Variants in MYSM1 observed in about 807,000 individuals in gnomAD.
MYSM1 encodes deubiquitinase MYSM1.
Under a neutral mutation model 116.0 loss-of-function variants are expected in MYSM1, and 51 were observed. The ratio of observed to expected loss-of-function variants is 0.44; its 90% confidence interval spans 0.35 to 0.56. MYSM1 has a LOEUF of 0.56. MYSM1 is among the 20% of genes least tolerant of loss of function. MYSM1 has a pLI of 0.00. For missense variants in MYSM1, 900 were observed against 974.9 expected, an observed-to-expected ratio of 0.92 and a Z score of 1.02; for synonymous variants, 313 against 315.2, an observed-to-expected ratio of 0.99 and a Z score of 0.07.
chr1:58,677,569 G>A (rs1644673465), intron 8 of MYSM1, among the ~76,000 whole-genome samples: 1 of 151,868 alleles, frequency 6.6e-6, no homozygotes, highest in African/African-American at 2.4e-5. Context: ...ACTCTCAGTG[G>A]AAAACAGAAA....
rs1030476637 is a variant in MYSM1, at chr1:58,659,243, T to G, written c.*754A>C. 1 of 152,196 alleles carries G rather than the reference T, an allele frequency of 6.6e-6. No individual in the cohort carries two copies. The highest frequency in any genetic ancestry group is 1.5e-5 in the Non-Finnish European group (1 of 68,022). 9.4% of individuals were successfully genotyped at this position (152,196 alleles called of 1,614,324 possible). On this transcript the variant is annotated 3_prime_UTR_variant, in exon 20 of 20. Transcript: ENST00000472487. ...GTAGAAAAAAAGTTTGAGTTATGATTACCTATGTTCCAGTTAAATGAGGTT... is the reference window on the plus strand; with the variant it reads ...GTAGAAAAAAAGTTTGAGTTATGATGACCTATGTTCCAGTTAAATGAGGTT...
chr1:58,694,397 C>T (rs1230278207), intron 2 of MYSM1, among the ~76,000 whole-genome samples: 3 of 151,748 alleles, frequency 2.0e-5, no homozygotes, highest in African/African-American at 4.8e-5. Flanking sequence ...CTGAGGCGGG[C>T]GGATCACGAG....
At chr1:58,668,053 G>C in intron 14 of MYSM1, 132 bp from the exon 15 acceptor site, 3 of 704,856 alleles carry the variant, frequency 4.3e-6, no homozygotes, top group Non-Finnish European at 7.7e-6. Context: ...TAGCATAGGA[G>C]AGGAACTAGA....
chr1:58,698,102 A>ATATATATATATATTTTTTTT lies in MYSM1; in HGVS notation c.68+1882_68+1883insAAAAAAAATATATATATATA. Reference sequence around the variant, plus strand: ...TATCAGACTATATATATATATATATATTTTTTTTTTTTTTTTGAGACAGAG... The same window carrying ATATATATATATATTTTTTTT: ...TATCAGACTATATATATATATATATATATATATATATATTTTTTTTTTTTTTTTTTTTTTTTGAGACAGAG... On this transcript the variant is annotated intron_variant, in intron 1 of 19. Coordinates refer to ENST00000472487, the MANE Select transcript of MYSM1 (RefSeq NM_001085487.3). Among the ~76,000 whole-genome samples the ATATATATATATATTTTTTTT allele has an allele frequency of 1.3e-3, 10 of 7,762 alleles. No homozygotes were observed. In the East Asian group the frequency reaches 0.036, roughly 28 times the overall value. The allele number at this position is 7,762 out of a possible 152,430, so 5.1% of individuals were successfully genotyped here. A position where few individuals can be genotyped will look rare whatever the true frequency, so the allele number is the denominator to read the frequency against.
intron 17 of MYSM1, 118 bp downstream of exon 17, chr1:58,665,381 A>T: frequency 1.3e-6 from 1 of 742,512 alleles, no homozygotes; most frequent in Non-Finnish European, 2.1e-6. Flanking sequence ...ATGATTCCCT[A>T]GTTGAGGGCA....
chr1:58,675,367 G>C, intron 10 of MYSM1, 110 bp downstream of exon 10: 3 of 728,000 alleles, frequency 4.1e-6, no homozygotes, highest in Non-Finnish European at 4.6e-6. Flanking sequence ...GAGGAAACAT[G>C]TTTTTCTACT....
In MYSM1 at chr1:58,672,659, C is replaced by T. The variant is rs1644580842; in HGVS notation, c.1573-701G>A. Among the ~76,000 whole-genome samples the T allele has an allele frequency of 3.9e-5, 6 of 151,998 alleles. 1 individual carries two copies. In the South Asian group the frequency reaches 1.2e-3, roughly 32 times the overall value. On this transcript the variant is annotated intron_variant, in intron 11 of 19. Transcript: ENST00000472487. The stretch of plus-strand genomic sequence containing the variant: ...TTTCCAGAATATATCTAGTATTTTC[C>T]CATGTCTCCAGCTTTGTTCCCTCAG...
At chr1:58,660,346 G>A (rs78751975) in intron 19 of MYSM1, among the ~76,000 whole-genome samples, 191 bp from the exon 20 acceptor site, 1 of 152,038 alleles carries the variant, frequency 6.6e-6, no homozygotes, top group African/African-American at 2.4e-5. Context: ...TTGCTGCTGA[G>A]GAACACTCAG....
chr1:58,694,765 C>T (rs887583496), intron 2 of MYSM1, among the ~76,000 whole-genome samples: 2 of 152,044 alleles, frequency 1.3e-5, no homozygotes, highest in Non-Finnish European at 2.9e-5. Flanking sequence ...AACTCCTGGG[C>T]TCAAGGAATT....
intron 17 of MYSM1, 57 bp downstream of exon 17, chr1:58,665,442 A>G (rs1167272435): frequency 6.2e-6 from 8 of 1,295,074 alleles, no homozygotes; most frequent in Non-Finnish European, 7.5e-6. Context: ...TTTGATTTGT[A>G]TGAGTCAAAG....
intron 10 of MYSM1, 28 bp from the exon 11 acceptor site, chr1:58,673,678 G>A: frequency 6.3e-7 from 1 of 1,584,252 alleles, no homozygotes; most frequent in Non-Finnish European, 8.7e-7. Flanking sequence ...TAAAGCAAAA[G>A]GTAGCAAGAT....
chr1:58,680,508 C>T (rs1644722809), intron 8 of MYSM1, among the ~76,000 whole-genome samples: 5 of 152,216 alleles, frequency 3.3e-5, no homozygotes, highest in Admixed American at 3.3e-4. Context: ...TTCAGCACCT[C>T]CACCATCTGT....
At chr1:58,668,054 A>G (rs1008950692) in intron 14 of MYSM1, 133 bp from the exon 15 acceptor site, 4 of 704,706 alleles carry the variant, frequency 5.7e-6, no homozygotes, top group Non-Finnish European at 1.0e-5. Flanking sequence ...AGCATAGGAG[A>G]GGAACTAGAT....
rs1644345907 is a variant in MYSM1 at position 58,658,392 on chromosome 1, C to T, written c.*1605G>A. The T allele has an allele frequency of 1.3e-5, 2 of 151,764 alleles. No individual in the cohort carries two copies. The highest frequency in any genetic ancestry group is 1.3e-4 in the Admixed American group (2 of 15,220). The allele number at this position is 151,764 out of a possible 1,614,324, so 9.4% of individuals were successfully genotyped here. ...GTATTAACTCAAAATATAAACTTCA[C>T]AAGAGTAGTCCAACGATTAGAATGA... On this transcript the variant is annotated 3_prime_UTR_variant, in exon 20 of 20. Coordinates refer to ENST00000472487, the MANE Select transcript of MYSM1 (RefSeq NM_001085487.3).
intron 18 of MYSM1, 35 bp downstream of exon 18, chr1:58,661,371 G>T: frequency 1.5e-6 from 2 of 1,350,628 alleles, no homozygotes; most frequent in Non-Finnish European, 2.1e-6. Context: ...GAGCAACACT[G>T]CAGATGTGCA....
intron 17 of MYSM1, among the ~76,000 whole-genome samples, chr1:58,661,721 ATAATAAT>A (rs1285025584): frequency 6.6e-6 from 1 of 152,096 alleles, no homozygotes; most frequent in Non-Finnish European, 1.5e-5. Context: ...GCTATTAATA[ATAATAAT>A]GAGTAAAAGT....
chr1:58,699,489 C>T (rs1557531162), intron 1 of MYSM1: 5 of 318,914 alleles, frequency 1.6e-5, no homozygotes, highest in Non-Finnish European at 2.3e-5. Context: ...CAGAACTGTC[C>T]AACTCTAAAA....
chr1:58,698,104 T>TATATATATA (rs1557530217), intron 1 of MYSM1, among the ~76,000 whole-genome samples: 1 of 11,352 alleles, frequency 8.8e-5, no homozygotes. Context: ...ATATATATAT[T>TATATATATA]TTTTTTTTTT....
At chr1:58,671,516 A>G (rs1644560855) in intron 12 of MYSM1, among the ~76,000 whole-genome samples, 2 of 152,166 alleles carry the variant, frequency 1.3e-5, no homozygotes, top group Admixed American at 1.3e-4. Flanking sequence ...CATGCATTAG[A>G]AAACAACAAA....
Sources: allele counts gnomAD v4.1 joint callset (sites outside exome capture counted in the v4.1 genomes callset), GRCh38; gene constraint gnomAD v4.1.1; transcripts MANE v1.5; gene names NCBI Gene and HGNC (gene_info 2026-07-23, HGNC 2026-07-21).